The following MSRB3 variants were observed in gnomAD, a reference collection of about 807,000 sequenced individuals.
The protein encoded by MSRB3 is methionine sulfoxide reductase B3.
MSRB3 carries 13 observed loss-of-function variants against 21.0 expected under a neutral mutation model. That is an observed-to-expected ratio of 0.62 (90% CI 0.40 to 0.98). MSRB3 has a LOEUF of 0.98. MSRB3 is among the 50% of genes least tolerant of loss of function. The pLI is 0.00. For synonymous variants in MSRB3, 87 were observed against 88.6 expected (o/e 0.98, Z 0.10); for missense variants, 199 against 230.3 (o/e 0.86, Z 0.88).
chr12:65,373,382 T>C (rs766944807), intron 5 of MSRB3, among the ~76,000 whole-genome samples: 1 of 152,192 alleles, frequency 6.6e-6, no homozygotes, highest in Non-Finnish European at 1.5e-5. Context: ...ATTTATAAGT[T>C]AATAACTGGA....
At chr12:65,381,441 A>C (rs1473471549) in intron 5 of MSRB3, among the ~76,000 whole-genome samples, 1 of 152,122 alleles carries the variant, frequency 6.6e-6, no homozygotes, top group Non-Finnish European at 1.5e-5. Flanking sequence ...ATGTGTAGAA[A>C]ATTTTGCTAT....
intron 4 of MSRB3, among the ~76,000 whole-genome samples, chr12:65,332,979 T>C (rs1018972452): frequency 3.3e-5 from 5 of 152,222 alleles, no homozygotes; most frequent in Non-Finnish European, 5.9e-5. Context: ...ATTTCTCATA[T>C]AGTACTACTG....
chr12:65,312,175 G>T (rs570644104), intron 2 of MSRB3, among the ~76,000 whole-genome samples: 1 of 152,034 alleles, frequency 6.6e-6, no homozygotes, highest in African/African-American at 2.4e-5. Flanking sequence ...ATTAAAATTA[G>T]ATAGTATATT....
At chr12:65,394,583 A>C (rs10784448) in intron 5 of MSRB3, among the ~76,000 whole-genome samples, 98,920 of 152,062 alleles carry the variant, frequency 0.65, 32,309 homozygotes, top group Admixed American at 0.72. Context: ...ACATGTCCCA[A>C]CTCATTCTAC....
chr12:65,291,230 CGCCT>C (rs1872648084), intron 1 of MSRB3, among the ~76,000 whole-genome samples: 1 of 151,900 alleles, frequency 6.6e-6, no homozygotes, highest in Non-Finnish European at 1.5e-5. Context: ...TGATTACAGG[CGCCT>C]GCCACCATGT....
chr12:65,282,928 A>G lies in MSRB3; in HGVS notation c.-52+4063A>G, dbSNP rs936720119. Among the ~76,000 whole-genome samples, 3 of 152,034 alleles carry G rather than the reference A, an allele frequency of 2.0e-5. No individual in the cohort carries two copies. The East Asian group carries it at 5.8e-4, about 29-fold the overall frequency. On this transcript the variant is annotated intron_variant, in intron 1 of 6. Transcript: ENST00000308259. ...GTTTGATTTTGCATTTTTCCATTTT[A>G]TGTTATGAGGTTATAGTCCTTAAAA...
At chr12:65,368,267 T>G (rs1878125745) in intron 4 of MSRB3, among the ~76,000 whole-genome samples, 1 of 152,216 alleles carries the variant, frequency 6.6e-6, no homozygotes. Flanking sequence ...TACTATTGAT[T>G]GTTGATGTGT....
intron 5 of MSRB3, among the ~76,000 whole-genome samples, chr12:65,439,542 T>C (rs1048249492): frequency 2.6e-5 from 4 of 151,578 alleles, no homozygotes; most frequent in African/African-American, 4.8e-5. Context: ...ACAAGGAAAA[T>C]CTTAAATTTT....
At chr12:65,349,652 A>C (rs1876797773) in intron 4 of MSRB3, among the ~76,000 whole-genome samples, 1 of 147,436 alleles carries the variant, frequency 6.8e-6, no homozygotes, top group South Asian at 2.1e-4. Context: ...CATTTCTCTG[A>C]TGGCCAGTGA....
intron 5 of MSRB3, among the ~76,000 whole-genome samples, chr12:65,397,143 A>G (rs987456164): frequency 2.0e-5 from 3 of 152,104 alleles, no homozygotes; most frequent in Non-Finnish European, 4.4e-5. Flanking sequence ...ATTTTCTTTG[A>G]GCTGAAGTTC....
chr12:65,401,209 G>A (rs985840749), intron 5 of MSRB3, among the ~76,000 whole-genome samples: 16 of 152,144 alleles, frequency 1.1e-4, no homozygotes, highest in Non-Finnish European at 1.5e-4. Flanking sequence ...TGGCAGTGGG[G>A]TGTTAATGTC....
chr12:65,279,289 G>A (rs1871857941), intron 1 of MSRB3: 1 of 162,710 alleles, frequency 6.1e-6, no homozygotes, highest in Admixed American at 6.5e-5. Context: ...TTGCCGCTCA[G>A]ATAACGGGCC....
intron 5 of MSRB3, among the ~76,000 whole-genome samples, chr12:65,422,387 A>AGT (rs1481339380): frequency 4.3e-4 from 38 of 88,090 alleles, no homozygotes; most frequent in African/African-American, 1.1e-3. Context: ...GGGAGTACAT[A>AGT]GTATATATAT....
At chr12:65,395,405 G>T (rs991788059) in intron 5 of MSRB3, among the ~76,000 whole-genome samples, 2 of 151,996 alleles carry the variant, frequency 1.3e-5, no homozygotes, top group African/African-American at 4.8e-5. Flanking sequence ...GGCGGAGGTT[G>T]CAGTGAGCCA....
In MSRB3 at chr12:65,426,000, G is replaced by A. The variant is rs867606640; in HGVS notation, c.293-27728G>A. ...GCCTCCTGAGTAGCTGGGACCACAG[G>A]CATGTGCCACCACGCCTGGCTAATT... On this transcript the variant is annotated intron_variant, in intron 5 of 6. Transcript: ENST00000308259. Among the ~76,000 whole-genome samples the A allele has an allele frequency of 3.3e-5, 5 of 152,162 alleles. No individual in the cohort carries two copies. In the South Asian group the frequency reaches 1.0e-3, roughly 32 times the overall value.
At chr12:65,329,647 C>CA (rs11443001) in intron 4 of MSRB3, among the ~76,000 whole-genome samples, 3,599 of 84,606 alleles carry the variant, frequency 0.043, 75 homozygotes, top group African/African-American at 0.076. Context: ...GATTCCGTCT[C>CA]AAAAAAAAAA....
intron 4 of MSRB3, among the ~76,000 whole-genome samples, chr12:65,353,253 G>A (rs1187343270): frequency 6.6e-6 from 1 of 152,142 alleles, no homozygotes; most frequent in Non-Finnish European, 1.5e-5. Flanking sequence ...ACCTGTTGCA[G>A]AGCTGAGTTC....
At chr12:65,316,405 A>G (rs946068673) in intron 2 of MSRB3, 5 of 152,184 alleles carry the variant, frequency 3.3e-5, no homozygotes, top group African/African-American at 1.2e-4. Context: ...AGTCTGGGAA[A>G]TGTCATGGGT....
At position 65,326,913 on chromosome 12, in the gene MSRB3, C is replaced by T. The variant is rs1418429802; in HGVS notation, c.164C>T (p.Thr55Ile). The T allele has an allele frequency of 6.2e-7, 1 of 1,613,506 alleles. No individual in the cohort carries two copies. The highest frequency in any genetic ancestry group is 8.5e-7 in the Non-Finnish European group (1 of 1,179,652). ...CTAACACCCCTGCAGTACCATGTCA[C>T]TCAGGAGAAAGGGACCGAAAGGTAA... ...KRLTPLQYHV[T>I]QEKGTESAFE... Residue 55 changes from threonine to isoleucine, a missense_variant, in exon 3 of 7, where the codon ACT becomes ATT. Physicochemically the swap from Thr to Ile is moderately conservative, Grantham distance 89. Coordinates refer to ENST00000308259, the MANE Select transcript of MSRB3 (RefSeq NM_001031679.3).
Sources: allele counts gnomAD v4.1 joint callset (sites outside exome capture counted in the v4.1 genomes callset), GRCh38; gene constraint gnomAD v4.1.1; transcripts MANE v1.5; gene names NCBI Gene and HGNC (gene_info 2026-07-23, HGNC 2026-07-21).